The following AP3B2 variants were observed in gnomAD, a reference collection of about 807,000 sequenced individuals.
The protein encoded by AP3B2 is adaptor related protein complex 3 subunit beta 2, also known as AP-3 complex subunit beta-2.
Under a neutral mutation model 126.9 loss-of-function variants are expected in AP3B2, and 50 were observed. The ratio of observed to expected loss-of-function variants is 0.39; its 90% CI spans 0.31 to 0.50. The LOEUF is 0.50. AP3B2 is among the 20% of genes least tolerant of loss of function. The probability of loss-of-function intolerance (pLI) is 0.79; values close to 1 mark genes in which losing one functional copy is unlikely to be tolerated. For synonymous variants in AP3B2, 541 were observed against 565.0 expected, an observed-to-expected ratio of 0.96 and a Z score of 0.60; for missense variants, 1,177 against 1,426.4, an observed-to-expected ratio of 0.83 and a Z score of 2.82.
chr15:82,688,928 C>A, intron 3 of AP3B2, 97 bp from the exon 4 acceptor site: 1 of 1,228,766 alleles, frequency 8.1e-7, no homozygotes, highest in South Asian at 1.4e-5. Flanking sequence ...CAGCTGCGGT[C>A]CATGGGGACA....
chr15:82,680,128 A>T lies in AP3B2; in HGVS notation c.1110+47T>A. On this transcript the variant is annotated intron_variant, in intron 9 of 26. Transcript: ENST00000535359. This position sits in a 1 kb window ranked among gnomAD's most constrained non-coding sequence, Gnocchi z 6.1. ...CCCCGACAACGCCTCCAGTGCCCGC[A>T]GAAGCGGCCCTCGGACAGCGAGGAC... The T allele has an allele frequency of 6.2e-7, 1 of 1,610,616 alleles. No individual in the cohort carries two copies. The highest frequency in any genetic ancestry group is 8.5e-7 in the Non-Finnish European group (1 of 1,179,066).
At chr15:82,675,460 G>A (rs2048228178) in intron 14 of AP3B2, among the ~76,000 whole-genome samples, 1 of 152,200 alleles carries the variant, frequency 6.6e-6, no homozygotes, top group South Asian at 2.1e-4. Flanking sequence ...ACCATCCAAA[G>A]ACTCCCACGC....
intron 23 of AP3B2, 151 bp downstream of exon 23, chr15:82,662,543 C>T (rs961974112): frequency 2.5e-5 from 20 of 791,174 alleles, no homozygotes; most frequent in Non-Finnish European, 3.8e-5. Flanking sequence ...CATCATCTGT[C>T]TTGTCCACCA....
rs1415783661 is a variant in AP3B2, at chr15:82,706,633, A to G, written c.113+2961T>C. 2.6e-5 allele frequency among the ~76,000 whole-genome samples: 4 copies of G among 152,204 alleles called. No individual in the cohort carries two copies. The Middle Eastern group carries it at 0.014, about 518-fold the overall frequency. ...TCAGTCACTCCTACCTACTCCCCCA[A>G]TGAAACTTACACCTATGAATCTCTT... On this transcript the variant is annotated intron_variant, in intron 1 of 26. Coordinates refer to ENST00000535359, the MANE Select transcript of AP3B2 (RefSeq NM_001278512.2).
At position 82,680,437 on chromosome 15, in the gene AP3B2, G is replaced by A; in HGVS notation, c.1055+35C>T. ...GGCAGCCCGTGGGGCGGGGCAGGAG[G>A]CGAGGGAGGGGGCGGGGCTGGGGGC... On this transcript the variant is annotated intron_variant, in intron 8 of 26. Coordinates refer to ENST00000535359, the MANE Select transcript of AP3B2 (RefSeq NM_001278512.2). This position sits in a 1 kb window ranked among gnomAD's most constrained non-coding sequence, Gnocchi z 6.1. 6.9e-7 allele frequency: 1 copy of A among 1,454,502 alleles called. No homozygotes were observed. The highest frequency in any genetic ancestry group is 9.0e-7 in the Non-Finnish European group (1 of 1,106,286). 90.1% of individuals were successfully genotyped at this position (1,454,502 alleles called of 1,614,324 possible).
intron 1 of AP3B2, among the ~76,000 whole-genome samples, chr15:82,700,843 C>G (rs1443283398): frequency 1.3e-5 from 2 of 151,966 alleles, no homozygotes; most frequent in Non-Finnish European, 2.9e-5. Flanking sequence ...CCCAGACTCC[C>G]ATCCATCTGC....
In AP3B2 at chr15:82,680,830, C is replaced by G. The variant is rs1274890787; in HGVS notation, c.771+7G>C. 2 of 1,613,226 alleles carry G rather than the reference C, an allele frequency of 1.2e-6. No individual in the cohort carries two copies. Among genetic ancestry groups the G allele is most frequent in the Non-Finnish European group, 1.7e-6 (2 of 1,179,606 alleles). On this transcript the variant is annotated splice_region_variant and intron_variant, in intron 7 of 26. Coordinates refer to ENST00000535359, the MANE Select transcript of AP3B2 (RefSeq NM_001278512.2). The surrounding 1 kb of genome is among the most constrained non-coding windows in gnomAD (Gnocchi z 6.1). Reference sequence around the variant, plus strand: ...CGGCCCGCTCTGCCTGGGCTGGGCCCACTTACGTTCTGGGTGGGGCTCAGG... The same window carrying G: ...CGGCCCGCTCTGCCTGGGCTGGGCCGACTTACGTTCTGGGTGGGGCTCAGG...
At chr15:82,682,070 T>TTTTTG (rs11388329) in intron 4 of AP3B2, among the ~76,000 whole-genome samples, 1 of 139,088 alleles carries the variant, frequency 7.2e-6, no homozygotes, top group Non-Finnish European at 1.5e-5. Flanking sequence ...TTTTTTTTTT[T>TTTTTG]GAGATGGAGT....
At chr15:82,672,838 C>T (rs183517294) in intron 14 of AP3B2, among the ~76,000 whole-genome samples, 73 of 152,260 alleles carry the variant, frequency 4.8e-4, no homozygotes, top group African/African-American at 1.7e-3. Context: ...ATTAAGCATC[C>T]GTGTTGGGAG....
intron 4 of AP3B2, chr15:82,685,171 C>A (rs1449726809): frequency 1.3e-5 from 2 of 152,188 alleles, no homozygotes; most frequent in African/African-American, 2.4e-5. Context: ...TCAAAGATCA[C>A]TGATCACCAT....
intron 14 of AP3B2, among the ~76,000 whole-genome samples, chr15:82,669,855 G>T (rs1218098338): frequency 2.7e-5 from 4 of 150,228 alleles, no homozygotes; most frequent in Non-Finnish European, 5.9e-5. Context: ...TACAAAATTA[G>T]CTGGGCATGG....
chr15:82,684,434 A>G (rs922017511), intron 4 of AP3B2, among the ~76,000 whole-genome samples: 3 of 152,208 alleles, frequency 2.0e-5, no homozygotes, highest in Admixed American at 6.5e-5. Context: ...TCTCTCAGCC[A>G]TCATAGAATT....
chr15:82,705,341 T>C (rs945313974), intron 1 of AP3B2, among the ~76,000 whole-genome samples: 1 of 152,150 alleles, frequency 6.6e-6, no homozygotes, highest in Non-Finnish European at 1.5e-5. Context: ...TCCCCCATTT[T>C]ACCTGTTCAA....
At chr15:82,693,077 G>A (rs921976214) in intron 1 of AP3B2, among the ~76,000 whole-genome samples, 3 of 151,988 alleles carry the variant, frequency 2.0e-5, no homozygotes, top group Admixed American at 6.6e-5. Context: ...ACCACGAGAC[G>A]ATGATAAAAG....
intron 11 of AP3B2, 103 bp from the exon 12 acceptor site, chr15:82,677,906 T>G (rs896011949): frequency 2.1e-6 from 3 of 1,435,432 alleles, no homozygotes; most frequent in Admixed American, 2.4e-5. Context: ...TGCCGGTGAC[T>G]AAGACTTGGG....
At chr15:82,701,852 C>T (rs1596198513) in intron 1 of AP3B2, among the ~76,000 whole-genome samples, 1 of 152,194 alleles carries the variant, frequency 6.6e-6, no homozygotes, top group African/African-American at 2.4e-5. Flanking sequence ...TCTCCCAGGG[C>T]AGGAGGTGGG....
intron 14 of AP3B2, 62 bp downstream of exon 14, chr15:82,676,399 G>T (rs2048242868): frequency 6.4e-7 from 1 of 1,553,968 alleles, no homozygotes; most frequent in African/African-American, 1.4e-5. Flanking sequence ...AGGGCCAAAA[G>T]AATACTGTCT....
chr15:82,676,562 C>T lies in AP3B2; in HGVS notation c.1564G>A (p.Val522Ile). The change falls in exon 14 of 27, where the codon GTC (valine) becomes ATC (isoleucine). Residue 522 changes from valine (V) to isoleucine (I), a missense_variant. Val to Ile is a conservative substitution (Grantham distance 29, BLOSUM62 3). Transcript: ENST00000535359. ...CEHVPRIAPDVLRKMAKSFTA... is the reference protein window; with the variant it reads ...CEHVPRIAPDILRKMAKSFTA... ...AATGACTTGGCCATTTTTCTTAAGA[C>T]ATCAGGTGCAATCCTGGGGACATGC... 1 of 1,614,012 alleles carries T rather than the reference C, an allele frequency of 6.2e-7. No individual in the cohort carries two copies. Among genetic ancestry groups the T allele is most frequent in the Non-Finnish European group, 8.5e-7 (1 of 1,179,898 alleles).
Position 82,662,710 on chromosome 15 carries a change from T to G in AP3B2, c.2817A>C (p.Gln939His), listed in dbSNP as rs780530606. ...CCTTCGCACCAATTTCGGGAAATTC[T>G]TGGATGCTGATGCCAGCAGGCAGTT... ...TPKLPAGISI[Q>H]EFPEIESLAP... Residue 939 changes from glutamine to histidine, a missense_variant, in exon 23 of 27, where the codon CAA becomes CAC. Physicochemically the swap from Gln to His is conservative, Grantham distance 24 (BLOSUM62 0). This residue lies in a region of AP3B2 where 587 missense variants were observed against 571.3 expected (regional missense o/e 1.03). Coordinates refer to ENST00000535359, the MANE Select transcript of AP3B2 (RefSeq NM_001278512.2). The G allele has an allele frequency of 1.9e-6, 3 of 1,613,250 alleles. No homozygotes were observed. The highest frequency in any genetic ancestry group is 1.6e-4 in the Middle Eastern group (1 of 6,062).
Sources: gnomAD v4.1 joint callset for allele counts (sites outside exome capture counted in the v4.1 genomes callset) on GRCh38, gnomAD v4.1.1 for gene constraint, gnomAD v4.1.1 regional missense constraint, Gnocchi (gnomAD v3.1) non-coding constraint, MANE v1.5 for transcripts, NCBI Gene and HGNC (gene_info 2026-07-23, HGNC 2026-07-21) for gene names.